The following LDLRAD4 variants were observed in gnomAD, a reference collection of about 807,000 sequenced individuals.
The protein encoded by LDLRAD4 is low density lipoprotein receptor class A domain containing 4.
A neutral mutation model predicts 17.0 loss-of-function variants in LDLRAD4; 5 were observed. The observed-to-expected ratio is 0.29, with a 90% CI of 0.15 to 0.62. The LOEUF (loss-of-function observed/expected upper bound fraction) is 0.62, where lower values mean the gene tolerates loss of function less well. Ranked by LOEUF, LDLRAD4 falls within the 20% of genes least tolerant of loss-of-function variation. The probability of loss-of-function intolerance (pLI) is 0.84; values close to 1 mark genes in which losing one functional copy is unlikely to be tolerated. For missense variants in LDLRAD4, 340 were observed against 424.7 expected (o/e 0.80, Z 1.75); for synonymous variants, 168 against 171.8 (o/e 0.98, Z 0.17).
chr18:13,313,115 A>G (rs7241109), intron 1 of LDLRAD4, among the ~76,000 whole-genome samples: 55,722 of 152,032 alleles, frequency 0.37, 10,981 homozygotes, highest in African/African-American at 0.51. Flanking sequence ...AGGGTCCCAC[A>G]CTTCATAGAA....
chr18:13,548,064 C>T (rs2094389699), intron 3 of LDLRAD4, among the ~76,000 whole-genome samples: 1 of 152,124 alleles, frequency 6.6e-6, no homozygotes, highest in Non-Finnish European at 1.5e-5. Flanking sequence ...AGCTCCTATC[C>T]ACAGGCAGGT....
intron 5 of LDLRAD4, among the ~76,000 whole-genome samples, chr18:13,643,665 C>G (rs576227732): frequency 5.9e-5 from 9 of 152,214 alleles, no homozygotes; most frequent in African/African-American, 2.2e-4. Flanking sequence ...TTTACATGAT[C>G]CCGTAAGCTT....
chr18:13,628,333 G>A (rs540732929), intron 4 of LDLRAD4, among the ~76,000 whole-genome samples: 1 of 152,332 alleles, frequency 6.6e-6, no homozygotes, highest in African/African-American at 2.4e-5. Flanking sequence ...TTGTGGGGAT[G>A]AACCGCAGGG....
intron 1 of LDLRAD4, among the ~76,000 whole-genome samples, chr18:13,337,161 A>G (rs1430112323): frequency 6.6e-6 from 1 of 152,160 alleles, no homozygotes; most frequent in Non-Finnish European, 1.5e-5. Context: ...GATTTTTTAA[A>G]TGGTCTTGCC....
intron 3 of LDLRAD4, among the ~76,000 whole-genome samples, chr18:13,563,486 G>A (rs1332412717): frequency 6.6e-6 from 1 of 152,204 alleles, no homozygotes; most frequent in East Asian, 1.9e-4. Flanking sequence ...GGAAGGAAGT[G>A]AAAGGGGGAT....
intron 1 of LDLRAD4, among the ~76,000 whole-genome samples, chr18:13,366,934 A>T (rs1458437653): frequency 6.6e-6 from 1 of 152,212 alleles, no homozygotes; most frequent in African/African-American, 2.4e-5. Flanking sequence ...GCTGGTCCTC[A>T]TTCTGATCCT....
intron 1 of LDLRAD4, among the ~76,000 whole-genome samples, chr18:13,248,236 C>T (rs1490070223): frequency 6.6e-6 from 1 of 152,226 alleles, no homozygotes; most frequent in Non-Finnish European, 1.5e-5. Flanking sequence ...GCTGGGACTA[C>T]AGGCGCGAGC....
At chr18:13,250,551 A>G (rs750978396) in intron 1 of LDLRAD4, among the ~76,000 whole-genome samples, 5 of 152,218 alleles carry the variant, frequency 3.3e-5, no homozygotes, top group Non-Finnish European at 5.9e-5. Context: ...AAAGTGAAAC[A>G]TCACAATGGA....
At chr18:13,490,622 G>A (rs1289476851) in intron 3 of LDLRAD4, 1 of 152,072 alleles carries the variant, frequency 6.6e-6, no homozygotes, top group African/African-American at 2.4e-5. Context: ...TGTAAGTTAT[G>A]TTTACTTTTC....
chr18:13,598,590 T>C (rs2148611455), intron 3 of LDLRAD4, among the ~76,000 whole-genome samples: 1 of 152,374 alleles, frequency 6.6e-6, no homozygotes, highest in South Asian at 2.1e-4. Context: ...GTAAAATTGC[T>C]GACCTAGAGT....
intron 2 of LDLRAD4, among the ~76,000 whole-genome samples, chr18:13,391,124 T>A (rs578045435): frequency 8.8e-4 from 134 of 152,356 alleles, no homozygotes; most frequent in African/African-American, 3.0e-3. Context: ...AAAGGAGTCT[T>A]GCCTTAGATA....
intron 1 of LDLRAD4, among the ~76,000 whole-genome samples, chr18:13,250,483 A>G (rs888743421): frequency 6.6e-6 from 1 of 152,200 alleles, no homozygotes; most frequent in African/African-American, 2.4e-5. Context: ...TTAACAAACC[A>G]TTAACTAGAC....
At chr18:13,538,108 T>C (rs2094224475) in intron 3 of LDLRAD4, among the ~76,000 whole-genome samples, 1 of 152,220 alleles carries the variant, frequency 6.6e-6, no homozygotes, top group East Asian at 1.9e-4. Flanking sequence ...ATCAGATTTG[T>C]TGATCTTGTC....
chr18:13,237,780 T>C (rs1301257947), intron 1 of LDLRAD4, among the ~76,000 whole-genome samples: 3 of 152,212 alleles, frequency 2.0e-5, no homozygotes, highest in Non-Finnish European at 4.4e-5. Flanking sequence ...TTTGCATGTG[T>C]TCTTTCATTT....
intron 1 of LDLRAD4, among the ~76,000 whole-genome samples, chr18:13,343,028 T>G (rs942950478): frequency 6.6e-6 from 1 of 152,284 alleles, no homozygotes; most frequent in African/African-American, 2.4e-5. Flanking sequence ...AGATTTTTTT[T>G]TGTGGTTACC....
chr18:13,369,520 G>T (rs79187020), intron 1 of LDLRAD4, among the ~76,000 whole-genome samples: 1 of 152,052 alleles, frequency 6.6e-6, no homozygotes, highest in Non-Finnish European at 1.5e-5. Flanking sequence ...GGGGTCTCCA[G>T]TTGGGGTGGA....
chr18:13,524,667 T>TC (rs1357544153), intron 3 of LDLRAD4, among the ~76,000 whole-genome samples: 7 of 152,246 alleles, frequency 4.6e-5, no homozygotes, highest in Non-Finnish European at 1.5e-5. Flanking sequence ...CTATCTTTGC[T>TC]CCAAAACCTG....
intron 2 of LDLRAD4, among the ~76,000 whole-genome samples, chr18:13,394,540 A>G (rs1012071084): frequency 6.6e-6 from 1 of 152,246 alleles, no homozygotes; most frequent in South Asian, 2.1e-4. Context: ...AAACATTCCA[A>G]TTAATATTTA....
intron 1 of LDLRAD4, among the ~76,000 whole-genome samples, chr18:13,237,087 A>G (rs1314365101): frequency 6.6e-6 from 1 of 152,258 alleles, no homozygotes; most frequent in Non-Finnish European, 1.5e-5. Flanking sequence ...CTCCACTCAT[A>G]GAACGCTTGC....
Sources: gnomAD v4.1 joint callset for allele counts (sites outside exome capture counted in the v4.1 genomes callset) on GRCh38, gnomAD v4.1.1 for gene constraint, MANE v1.5 for transcripts, NCBI Gene and HGNC (gene_info 2026-07-23, HGNC 2026-07-21) for gene names.